The following NR6A1 variants were observed in gnomAD, a reference collection of about 807,000 sequenced individuals.
The protein encoded by NR6A1 is nuclear receptor subfamily 6 group A member 1.
NR6A1 carries 7 observed loss-of-function variants against 59.1 expected under a neutral mutation model. The observed-to-expected ratio is 0.12, with a 90% CI of 0.07 to 0.22. The LOEUF (loss-of-function observed/expected upper bound fraction) is 0.22. Ranked by LOEUF, NR6A1 falls within the 10% of genes least tolerant of loss-of-function variation. The pLI is 1.00. For missense variants in NR6A1, 468 were observed against 611.6 expected (o/e 0.77, Z 2.48); for synonymous variants, 243 against 236.1 (o/e 1.03, Z -0.27).
At chr9:124,699,687 G>C (rs1838874696) in intron 2 of NR6A1, among the ~76,000 whole-genome samples, 1 of 152,126 alleles carries the variant, frequency 6.6e-6, no homozygotes, top group Non-Finnish European at 1.5e-5. Context: ...ATAATTCAAT[G>C]ACTTTTATTC....
At position 124,728,923 on chromosome 9, in the gene NR6A1, T is replaced by C. The variant is rs1253313808; in HGVS notation, c.142+4385A>G. On this transcript the variant is annotated intron_variant, in intron 2 of 9. Coordinates refer to ENST00000487099, the MANE Select transcript of NR6A1 (RefSeq NM_033334.4). ...CACTTGTTATCCATCACTGATTATT[T>C]GGGTTAAACTGGACTCATTTCAAGC... Among the ~76,000 whole-genome samples, 8 of 152,196 alleles carry C rather than the reference T, an allele frequency of 5.3e-5. No homozygotes were observed. In the East Asian group the frequency reaches 1.5e-3, roughly 29 times the overall value.
intron 2 of NR6A1, among the ~76,000 whole-genome samples, chr9:124,646,978 G>A (rs1333895175): frequency 6.6e-6 from 1 of 152,194 alleles, no homozygotes; most frequent in African/African-American, 2.4e-5. Flanking sequence ...GCAGTGCTGT[G>A]ATCATAGCTC....
intron 2 of NR6A1, among the ~76,000 whole-genome samples, chr9:124,602,087 A>C (rs932322068): frequency 3.3e-5 from 5 of 152,232 alleles, no homozygotes; most frequent in African/African-American, 1.2e-4. Context: ...TAATTAGGTA[A>C]GTTTCCTACC....
chr9:124,603,468 T>C (rs1206008703), intron 2 of NR6A1, among the ~76,000 whole-genome samples: 1 of 152,184 alleles, frequency 6.6e-6, no homozygotes, highest in African/African-American at 2.4e-5. Context: ...TAAATATACA[T>C]TTTCTGATTT....
intron 3 of NR6A1, among the ~76,000 whole-genome samples, chr9:124,553,115 T>C (rs749888151): frequency 5.3e-5 from 8 of 152,202 alleles, no homozygotes; most frequent in Non-Finnish European, 7.3e-5. Flanking sequence ...GGTAAGATAA[T>C]TGAATATTGG....
At chr9:124,692,232 C>T (rs529260550) in intron 2 of NR6A1, among the ~76,000 whole-genome samples, 4 of 152,262 alleles carry the variant, frequency 2.6e-5, no homozygotes, top group African/African-American at 7.2e-5. Context: ...CAAAATAATA[C>T]CATTCAAAGA....
chr9:124,620,823 AG>A (rs1836048307), intron 2 of NR6A1, among the ~76,000 whole-genome samples: 1 of 151,518 alleles, frequency 6.6e-6, no homozygotes, highest in Admixed American at 6.6e-5. Flanking sequence ...AAAAAAAAAA[AG>A]GTTTAAAAAG....
intron 1 of NR6A1, among the ~76,000 whole-genome samples, chr9:124,769,253 A>T (rs1274703634): frequency 4.6e-4 from 9 of 19,736 alleles, no homozygotes; most frequent in African/African-American, 2.0e-3. Context: ...TACACAAATT[A>T]AAAAAAAAAA....
At position 124,576,536 on chromosome 9, in the gene NR6A1, C is replaced by G. The variant is rs1467539683; in HGVS notation, c.143-21966G>C. On this transcript the variant is annotated intron_variant, in intron 2 of 9. Coordinates refer to ENST00000487099, the MANE Select transcript of NR6A1 (RefSeq NM_033334.4). The stretch of plus-strand genomic sequence containing the variant: ...TCTCCTGACCTCATGATCTGCCCAC[C>G]TTGGCCTCCCAAAGTGCTGGGATTA... 2.0e-5 allele frequency among the ~76,000 whole-genome samples: 3 copies of G among 152,160 alleles called. No homozygotes were observed. In the East Asian group the frequency reaches 5.8e-4, roughly 29 times the overall value.
At chr9:124,765,638 G>C (rs571125965) in intron 1 of NR6A1, among the ~76,000 whole-genome samples, 1 of 152,246 alleles carries the variant, frequency 6.6e-6, no homozygotes, top group Non-Finnish European at 1.5e-5. Context: ...AAGCAATTCA[G>C]CTCCCCAGCA....
At chr9:124,657,178 C>CA (rs1285012785) in intron 2 of NR6A1, among the ~76,000 whole-genome samples, 2 of 152,102 alleles carry the variant, frequency 1.3e-5, no homozygotes, top group African/African-American at 4.8e-5. Context: ...AATAGTGCAT[C>CA]AAAACAGCTT....
chr9:124,553,549 C>CTTT (rs780925768), intron 3 of NR6A1, among the ~76,000 whole-genome samples: 74 of 47,286 alleles, frequency 1.6e-3, no homozygotes, highest in African/African-American at 5.1e-3. Flanking sequence ...TTTAGCTTGA[C>CTTT]TTTTTTTTTT....
chr9:124,739,672 T>C (rs1840120844), intron 1 of NR6A1, among the ~76,000 whole-genome samples: 2 of 152,264 alleles, frequency 1.3e-5, no homozygotes, highest in Admixed American at 6.5e-5. Context: ...AAATTGTGAC[T>C]GGCTATCATG....
At chr9:124,768,277 A>G (rs929386487) in intron 1 of NR6A1, among the ~76,000 whole-genome samples, 1 of 152,252 alleles carries the variant, frequency 6.6e-6, no homozygotes, top group African/African-American at 2.4e-5. Flanking sequence ...ATCAGTCACT[A>G]GGAGTAAAAA....
intron 2 of NR6A1, among the ~76,000 whole-genome samples, chr9:124,695,197 T>C (rs1181647875): frequency 1.3e-5 from 2 of 152,190 alleles, no homozygotes; most frequent in Admixed American, 6.5e-5. Context: ...AGAGTCACAT[T>C]TGTGCTGCTT....
chr9:124,588,888 C>A (rs1251751468), intron 2 of NR6A1, among the ~76,000 whole-genome samples: 3 of 146,220 alleles, frequency 2.1e-5, no homozygotes, highest in Non-Finnish European at 4.5e-5. Context: ...CCACTGCACT[C>A]CAGACTGGGC....
chr9:124,693,632 A>G (rs1838641933), intron 2 of NR6A1: 4 of 497,366 alleles, frequency 8.0e-6, no homozygotes, highest in African/African-American at 2.0e-5. Flanking sequence ...AGACACACAG[A>G]CTTCAAAGAA....
At chr9:124,596,467 T>C (rs984308854) in intron 2 of NR6A1, among the ~76,000 whole-genome samples, 5 of 152,226 alleles carry the variant, frequency 3.3e-5, no homozygotes. Context: ...TCTGGTTATC[T>C]ATACTAGTTT....
rs71980445 is a variant in NR6A1 at position 124,525,677 on chromosome 9, A to ATC, written c.1202-806_1202-805dup. ...TGGCCCCTCCATTTTTTCTAAATAG[A>ATC]TCTCTCTCTCTCTCTCTCTCTCTAT... On this transcript the variant is annotated intron_variant, in intron 8 of 9. Coordinates refer to ENST00000487099, the MANE Select transcript of NR6A1 (RefSeq NM_033334.4). Among the ~76,000 whole-genome samples, 1,135 of 149,236 alleles carry ATC rather than the reference A, an allele frequency of 7.6e-3. 6 individuals carry two copies. Among genetic ancestry groups the ATC allele is most frequent in the South Asian group, 0.024 (109 of 4,628 alleles).
Sources: gnomAD v4.1 joint callset for allele counts (sites outside exome capture counted in the v4.1 genomes callset) on GRCh38, gnomAD v4.1.1 for gene constraint, MANE v1.5 for transcripts, NCBI Gene and HGNC (gene_info 2026-07-23, HGNC 2026-07-21) for gene names.